AOPEP: variants seen among roughly 807,000 people sequenced by gnomAD.
The protein encoded by AOPEP is aminopeptidase O (putative).
AOPEP carries 77 observed loss-of-function variants against 98.1 expected under a neutral mutation model. The observed-to-expected ratio is 0.78, with a 90% confidence interval of 0.65 to 0.95. The LOEUF (loss-of-function observed/expected upper bound fraction) is 0.95. Ranked by LOEUF, AOPEP falls within the 40% of genes least tolerant of loss-of-function variation. The pLI is 0.00. For synonymous variants in AOPEP, 346 were observed against 365.3 expected (o/e 0.95, Z 0.60); for missense variants, 1,024 against 1,024.7 (o/e 1.00, Z 0.01).
intron 13 of AOPEP, among the ~76,000 whole-genome samples, chr9:95,011,465 G>A (rs1377453143): frequency 6.6e-6 from 1 of 152,066 alleles, no homozygotes; most frequent in Non-Finnish European, 1.5e-5. Flanking sequence ...GCCTCCCAAA[G>A]TGCTGGGATT....
At chr9:95,037,776 C>T (rs745778632) in intron 13 of AOPEP, among the ~76,000 whole-genome samples, 4 of 152,162 alleles carry the variant, frequency 2.6e-5, no homozygotes, top group East Asian at 1.9e-4. Flanking sequence ...TGAAGAATTG[C>T]GGCAACAGTA....
intron 13 of AOPEP, among the ~76,000 whole-genome samples, chr9:95,042,335 A>C (rs3925723): frequency 0.25 from 8,526 of 34,150 alleles, 505 homozygotes; most frequent in East Asian, 0.38. Flanking sequence ...TAAATAAATA[A>C]ATAAATACAT....
At chr9:95,111,987 A>AGAT in the AOPEP span, among the ~76,000 whole-genome samples, 1 of 152,144 alleles carries the variant, frequency 6.6e-6, no homozygotes. Flanking sequence ...CTGCCTTCTG[A>AGAT]GATGGGGAGA....
At chr9:94,969,104 T>C (rs1237536151) in intron 10 of AOPEP, among the ~76,000 whole-genome samples, 1 of 152,128 alleles carries the variant, frequency 6.6e-6, no homozygotes, top group African/African-American at 2.4e-5. Context: ...TATGCTCTTA[T>C]CTACTTTGTT....
intron 4 of AOPEP, among the ~76,000 whole-genome samples, chr9:94,794,805 A>G (rs1258713758): frequency 1.0e-5 from 1 of 95,870 alleles, no homozygotes; most frequent in Non-Finnish European, 1.9e-5. Context: ...CAGAGCCTAC[A>G]AAACAGAGGA....
chr9:94,740,552 A>T (rs541654859), intron 1 of AOPEP, among the ~76,000 whole-genome samples: 23 of 152,320 alleles, frequency 1.5e-4, no homozygotes, highest in African/African-American at 4.3e-4. Context: ...TTATTGAGTG[A>T]TAGAAAGAAT....
chr9:94,949,351 G>A (rs1263258074), intron 7 of AOPEP, among the ~76,000 whole-genome samples: 4 of 152,194 alleles, frequency 2.6e-5, no homozygotes, highest in African/African-American at 9.7e-5. Flanking sequence ...TAACTACAGA[G>A]TTTCTCCTTA....
intron 5 of AOPEP, among the ~76,000 whole-genome samples, chr9:94,920,495 C>G (rs1290111096): frequency 1.3e-5 from 2 of 152,174 alleles, no homozygotes; most frequent in Non-Finnish European, 2.9e-5. Flanking sequence ...CAGCATCTAG[C>G]CAGGGCCGCC....
At chr9:94,860,135 A>G (rs555794427) in intron 5 of AOPEP, among the ~76,000 whole-genome samples, 1 of 152,352 alleles carries the variant, frequency 6.6e-6, no homozygotes, top group African/African-American at 2.4e-5. Flanking sequence ...GTAGAAGCTG[A>G]AACCTGAAGG....
In AOPEP at chr9:94,853,898, C is replaced by A. The variant is rs540159405; in HGVS notation, c.1364+52896C>A. On this transcript the variant is annotated intron_variant, in intron 5 of 16. Transcript: ENST00000375315. Reference sequence around the variant, plus strand: ...AGTTACTCTCATAGGTACATGCTAGCAGAGCTTTTACTTCACACTTGGGCA... The same window carrying A: ...AGTTACTCTCATAGGTACATGCTAGAAGAGCTTTTACTTCACACTTGGGCA... Among the ~76,000 whole-genome samples, 47 of 152,300 alleles carry A rather than the reference C, an allele frequency of 3.1e-4. No homozygotes were observed. The Middle Eastern group carries it at 0.014, about 44-fold the overall frequency.
chr9:94,825,401 C>T (rs1854286977), intron 5 of AOPEP, among the ~76,000 whole-genome samples: 1 of 152,184 alleles, frequency 6.6e-6, no homozygotes, highest in Non-Finnish European at 1.5e-5. Flanking sequence ...ATAGCCAGTC[C>T]CGGAATTTCT....
At chr9:95,110,579 C>A in the AOPEP span, 1 of 1,034,972 alleles carries the variant, frequency 9.7e-7, no homozygotes, top group Non-Finnish European at 1.2e-6. Flanking sequence ...TTTTTAAAAT[C>A]TAAAACTATT....
At chr9:95,032,950 T>TATCA in intron 13 of AOPEP, among the ~76,000 whole-genome samples, 1 of 152,312 alleles carries the variant, frequency 6.6e-6, no homozygotes, top group South Asian at 2.1e-4. Context: ...CTGTGCCAAG[T>TATCA]GCTAGAACAC....
chr9:94,928,499 G>A lies in AOPEP; in HGVS notation c.1629G>A (p.Met543Ile), dbSNP rs1226276977. The A allele has an allele frequency of 3.9e-6, 6 of 1,550,746 alleles. No homozygotes were observed. The Admixed American group carries it at 5.9e-5, about 15-fold the overall frequency. Residue 543 changes from methionine (M) to isoleucine (I), a missense_variant, in exon 7 of 17, where the codon ATG becomes ATA. Physicochemically the swap from Met to Ile is conservative, Grantham distance 10. Transcript: ENST00000375315. ...CLRWRRLQDE[M>I]QCSPEEMQVL... ...GCTGGCGTCGCCTCCAGGACGAGAT[G>A]CAATGCTCCCCCGAGGAGATGCAGG... is the stretch of plus-strand genomic sequence containing the variant.
intron 5 of AOPEP, among the ~76,000 whole-genome samples, chr9:94,878,916 G>A (rs1057479640): frequency 6.6e-6 from 1 of 152,190 alleles, no homozygotes; most frequent in African/African-American, 2.4e-5. Flanking sequence ...GTGGGAGACC[G>A]GAGTTTTATT....
chr9:94,966,718 A>G (rs1482749923), intron 9 of AOPEP, among the ~76,000 whole-genome samples: 1 of 152,226 alleles, frequency 6.6e-6, no homozygotes, highest in Non-Finnish European at 1.5e-5. Flanking sequence ...AAAAATCAGT[A>G]AAATTCAAAT....
chr9:95,078,825 G>A (rs2069381273), intron 14 of AOPEP, among the ~76,000 whole-genome samples: 1 of 152,254 alleles, frequency 6.6e-6, no homozygotes. Context: ...GAGGCGTCCA[G>A]CGGGCAGTTT....
the AOPEP span, among the ~76,000 whole-genome samples, chr9:95,121,247 C>G: frequency 2.6e-5 from 4 of 152,316 alleles, no homozygotes; most frequent in African/African-American, 7.2e-5. Context: ...GAAAAAGTGG[C>G]TTGTCACACC....
At position 94,928,428 on chromosome 9, in the gene AOPEP, G is replaced by A. The variant is rs1300936592; in HGVS notation, c.1558G>A (p.Ala520Thr). Reference sequence around the variant, plus strand: ...CTGTGTGTCTGTGGCTGAGCAGCTGGCCCCCTATGAGGCCCGGGAGCAGCA... The same window carrying A: ...CTGTGTGTCTGTGGCTGAGCAGCTGACCCCCTATGAGGCCCGGGAGCAGCA... ...DVFWATAQQL[A>T]PYEAREQQEL... The change falls in exon 7 of 17, where the codon GCC becomes ACC. Residue 520 changes from alanine to threonine, a missense_variant. Physicochemically the swap from Ala to Thr is moderately conservative, Grantham distance 58. This residue lies in a region of AOPEP where 566 missense variants were observed against 551.7 expected (regional missense o/e 1.03). Transcript: ENST00000375315. 1.3e-6 allele frequency: 2 copies of A among 1,546,730 alleles called. No individual in the cohort carries two copies. The highest frequency in any genetic ancestry group is 2.0e-5 in the Admixed American group (1 of 50,960).
Sources: gnomAD v4.1 joint callset for allele counts (sites outside exome capture counted in the v4.1 genomes callset) on GRCh38, gnomAD v4.1.1 for gene constraint, gnomAD v4.1.1 regional missense constraint, MANE v1.5 for transcripts, NCBI Gene and HGNC (gene_info 2026-07-23, HGNC 2026-07-21) for gene names.